BTNL8: variants seen among roughly 807,000 people sequenced by gnomAD.
The protein encoded by BTNL8 is butyrophilin-like protein 8.
BTNL8 carries 22 observed loss-of-function variants against 36.1 expected under a neutral mutation model. The ratio of observed to expected loss-of-function variants is 0.61; its 90% CI spans 0.44 to 0.87. The LOEUF (loss-of-function observed/expected upper bound fraction) is 0.87, where lower values mean the gene tolerates loss of function less well. Among genes scored for constraint, BTNL8 ranks in the 40% least tolerant of loss-of-function variants. The probability of loss-of-function intolerance (pLI) is 0.00; values close to 1 mark genes in which losing one functional copy is unlikely to be tolerated. For synonymous variants in BTNL8, 203 were observed against 235.6 expected (o/e 0.86, Z 1.27); for missense variants, 526 against 616.9 (o/e 0.85, Z 1.56).
intron 3 of BTNL8, among the ~76,000 whole-genome samples, chr5:180,941,171 G>A (rs967647324): frequency 6.9e-6 from 1 of 144,594 alleles, no homozygotes; most frequent in African/African-American, 2.5e-5. Context: ...GAAAGAACTA[G>A]TATATGCCAA....
chr5:180,947,304 T>A (rs1759306723), intron 3 of BTNL8, among the ~76,000 whole-genome samples: 1 of 152,358 alleles, frequency 6.6e-6, no homozygotes, highest in African/African-American at 2.4e-5. Flanking sequence ...TCAATAAATG[T>A]TGGCACAGTC....
rs1759522375 is a variant in BTNL8 at position 180,950,840 on chromosome 5, A to G, written c.*296A>G. The G allele has an allele frequency of 5.0e-6, 2 of 402,852 alleles. 1 individual carries two copies. 25.0% of individuals were successfully genotyped at this position (402,852 alleles called of 1,614,324 possible). On this transcript the variant is annotated 3_prime_UTR_variant, in exon 8 of 8. Transcript: ENST00000340184. ...ATTAAGTAGACAAGGAATGTGAATA[A>G]TGCTTAGATCTTATTGATGACAGAG...
chr5:180,945,828 TC>T (rs1759207753), intron 3 of BTNL8: 1 of 502,154 alleles, frequency 2.0e-6, no homozygotes, highest in Non-Finnish European at 4.0e-6. Context: ...TCGAGTCTGA[TC>T]CGGAAATATG....
At chr5:180,901,242 T>C (rs1470575681) in intron 1 of BTNL8, among the ~76,000 whole-genome samples, 1 of 152,240 alleles carries the variant, frequency 6.6e-6, no homozygotes, top group Non-Finnish European at 1.5e-5. Flanking sequence ...AAGTATCCAC[T>C]GATCTAGAAA....
At chr5:180,929,529 G>T (rs1460850931) in intron 3 of BTNL8, among the ~76,000 whole-genome samples, 1 of 149,598 alleles carries the variant, frequency 6.7e-6, no homozygotes, top group Non-Finnish European at 1.5e-5. Flanking sequence ...CCAGGAGGTG[G>T]TTTTTTGAAA....
In BTNL8 at chr5:180,950,590, C is replaced by T. The variant is rs770919513; in HGVS notation, c.*46C>T. 2 of 1,441,032 alleles carry T rather than the reference C, an allele frequency of 1.4e-6. No homozygotes were observed. Among genetic ancestry groups the T allele is most frequent in the Admixed American group, 3.8e-5 (2 of 52,074 alleles). 89.3% of individuals were successfully genotyped at this position (1,441,032 alleles called of 1,614,324 possible). On this transcript the variant is annotated 3_prime_UTR_variant, in exon 8 of 8. Transcript: ENST00000340184. ...CTTCTTTAGGGATATTAAGGTCTCT[C>T]TCCCAGATCCAAAGTCCCGCAGCAG...
At chr5:180,928,624 C>G (rs1758215772) in intron 3 of BTNL8, among the ~76,000 whole-genome samples, 2 of 152,070 alleles carry the variant, frequency 1.3e-5, no homozygotes, top group Admixed American at 1.3e-4. Flanking sequence ...AGGAAATTTA[C>G]CAACCAAATG....
At chr5:180,928,008 G>A (rs1758183469) in intron 3 of BTNL8, among the ~76,000 whole-genome samples, 1 of 152,096 alleles carries the variant, frequency 6.6e-6, no homozygotes, top group African/African-American at 2.4e-5. Context: ...TCCTTGAGAA[G>A]AGCAACCCCA....
chr5:180,908,163 AC>A (rs1206119212), intron 1 of BTNL8, among the ~76,000 whole-genome samples: 1 of 151,430 alleles, frequency 6.6e-6, no homozygotes, highest in African/African-American at 2.4e-5. Flanking sequence ...AATCAGCGAG[AC>A]TCTGTGGTCA....
At chr5:180,913,294 C>T (rs964902355) in intron 3 of BTNL8, among the ~76,000 whole-genome samples, 2 of 152,112 alleles carry the variant, frequency 1.3e-5, no homozygotes, top group African/African-American at 4.8e-5. Flanking sequence ...CCCTGCATTG[C>T]CCAAAGAAAC....
chr5:180,921,911 A>G (rs907226091), intron 3 of BTNL8, among the ~76,000 whole-genome samples: 6 of 152,108 alleles, frequency 3.9e-5, no homozygotes, highest in Non-Finnish European at 7.4e-5. Flanking sequence ...AACAAAAAAC[A>G]AAACAGAAAA....
rs527545305 is a variant in BTNL8, at chr5:180,935,093, A to G, written c.674-12419A>G. On this transcript the variant is annotated intron_variant, in intron 3 of 7. Transcript: ENST00000340184. The surrounding 1 kb of genome is among the most constrained non-coding windows in gnomAD (Gnocchi z 4.8). ...ATAGTCCTGATGTCTGTCTGAGTCT[A>G]GGGGTTTTTATGGGCCCAGAAGGAA... Among the ~76,000 whole-genome samples, 1 of 152,190 alleles carries G rather than the reference A, an allele frequency of 6.6e-6. No individual in the cohort carries two copies. Among genetic ancestry groups the G allele is most frequent in the South Asian group, 2.1e-4 (1 of 4,818 alleles).
chr5:180,899,198 C>T lies in BTNL8; in HGVS notation c.-113C>T. 2 of 1,285,214 alleles carry T rather than the reference C, an allele frequency of 1.6e-6. No homozygotes were observed. Among genetic ancestry groups the T allele is most frequent in the African/African-American group, 1.5e-5 (1 of 68,256 alleles). 79.6% of individuals were successfully genotyped at this position (1,285,214 alleles called of 1,614,324 possible). A position where few individuals can be genotyped will look rare whatever the true frequency, so the allele number is the denominator to read the frequency against. ...TGCCCTCCGCTCACGCAGAGCCTCT[C>T]CGTGGCTTCCGCACCTTGAGCATTA... On this transcript the variant is annotated 5_prime_UTR_variant, in exon 1 of 8. Coordinates refer to ENST00000340184, the MANE Select transcript of BTNL8 (RefSeq NM_001040462.3).
chr5:180,934,042 C>A (rs1758525622), intron 3 of BTNL8, among the ~76,000 whole-genome samples: 1 of 152,004 alleles, frequency 6.6e-6, no homozygotes, highest in African/African-American at 2.4e-5. Context: ...TTCCACCCCC[C>A]ACCAAATACT....
At chr5:180,908,985 T>C in intron 2 of BTNL8, 52 bp downstream of exon 2, 1 of 1,517,402 alleles carries the variant, frequency 6.6e-7, no homozygotes, top group Non-Finnish European at 8.9e-7. Flanking sequence ...TCCTGGACTT[T>C]ATAAGTGTTT....
intron 3 of BTNL8, chr5:180,945,765 C>G (rs1450826937): frequency 4.0e-6 from 2 of 503,714 alleles, no homozygotes; most frequent in African/African-American, 3.9e-5. Flanking sequence ...GATGGGTCAC[C>G]AGCAGCTGTA....
At chr5:180,930,456 C>A (rs1489576720) in intron 3 of BTNL8, among the ~76,000 whole-genome samples, 3 of 152,124 alleles carry the variant, frequency 2.0e-5, no homozygotes, top group Non-Finnish European at 4.4e-5. Flanking sequence ...GAAGTTCTGG[C>A]CTGGGCAGTC....
At chr5:180,930,224 A>G (rs1222745074) in intron 3 of BTNL8, among the ~76,000 whole-genome samples, 1 of 152,222 alleles carries the variant, frequency 6.6e-6, no homozygotes, top group African/African-American at 2.4e-5. Flanking sequence ...CATTATCTCA[A>G]TAGATGCAGA....
chr5:180,932,174 A>C (rs1234600653), intron 3 of BTNL8, among the ~76,000 whole-genome samples: 1 of 152,126 alleles, frequency 6.6e-6, no homozygotes, highest in African/African-American at 2.4e-5. Flanking sequence ...ACATGGACAC[A>C]GGGAGGGGAA....
Sources: gnomAD v4.1 joint callset for allele counts (sites outside exome capture counted in the v4.1 genomes callset) on GRCh38, gnomAD v4.1.1 for gene constraint, Gnocchi (gnomAD v3.1) non-coding constraint, MANE v1.5 for transcripts, NCBI Gene and HGNC (gene_info 2026-07-23, HGNC 2026-07-21) for gene names.